The following GALM variants were observed in gnomAD, a reference collection of about 807,000 sequenced individuals.
The protein encoded by GALM is galactose mutarotase, also known as aldose 1-epimerase.
Under a neutral mutation model 37.4 loss-of-function variants are expected in GALM, and 43 were observed. The observed-to-expected ratio is 1.15, with a 90% CI of 0.90 to 1.48. The LOEUF is 1.48. Among genes scored for constraint, GALM ranks in the 40% most tolerant of loss-of-function variants. The pLI is 0.00. For missense variants in GALM, 456 were observed against 419.1 expected, an observed-to-expected ratio of 1.09 and a Z score of -0.77; for synonymous variants, 199 against 170.6, an observed-to-expected ratio of 1.17 and a Z score of -1.30.
At chr2:38,713,227 C>G (rs1184006991) in intron 4 of GALM, among the ~76,000 whole-genome samples, 1 of 152,142 alleles carries the variant, frequency 6.6e-6, no homozygotes, top group Non-Finnish European at 1.5e-5. Context: ...TTCTTCCACC[C>G]CAATATGTTC....
intron 3 of GALM, among the ~76,000 whole-genome samples, chr2:38,686,240 CTT>C (rs1240589617): frequency 1.1e-5 from 1 of 92,006 alleles, no homozygotes; most frequent in South Asian, 4.9e-4. Context: ...TTCTTTCTTT[CTT>C]TCTTTCTTTC....
At chr2:38,689,703 A>ATT (rs1665626083) in intron 3 of GALM, 110 bp from the exon 4 acceptor site, 1 of 669,656 alleles carries the variant, frequency 1.5e-6, no homozygotes, top group Non-Finnish European at 2.6e-6. Context: ...GCCAAACAAG[A>ATT]TTTTAAAAGT....
intron 4 of GALM, among the ~76,000 whole-genome samples, chr2:38,725,833 T>A (rs1572544233): frequency 6.6e-6 from 1 of 152,138 alleles, no homozygotes; most frequent in African/African-American, 2.4e-5. Flanking sequence ...TGCCTCAGTC[T>A]ACTGAGTAGC....
chr2:38,692,192 A>G (rs894614385), intron 4 of GALM, among the ~76,000 whole-genome samples: 11 of 152,194 alleles, frequency 7.2e-5, no homozygotes, highest in Admixed American at 2.6e-4. Context: ...TCAGACCTAC[A>G]TGTTATACCT....
chr2:38,725,323 C>T (rs1346583452), intron 4 of GALM, among the ~76,000 whole-genome samples: 1 of 143,624 alleles, frequency 7.0e-6, no homozygotes, highest in Non-Finnish European at 1.5e-5. Flanking sequence ...TTGCTTGAGC[C>T]CAGGAGTTTG....
chr2:38,696,093 C>T (rs1003605549), intron 4 of GALM, among the ~76,000 whole-genome samples: 4 of 151,772 alleles, frequency 2.6e-5, no homozygotes, highest in Non-Finnish European at 5.9e-5. Context: ...CTATTATTGT[C>T]ACTATAACAG....
chr2:38,698,326 A>G (rs2148441163), intron 4 of GALM: 1 of 1,175,232 alleles, frequency 8.5e-7, no homozygotes, highest in South Asian at 1.3e-5. Context: ...TTGAGTGCAT[A>G]GCCCTTGCTC....
chr2:38,717,076 C>A (rs1046325669), intron 4 of GALM, among the ~76,000 whole-genome samples: 5 of 151,930 alleles, frequency 3.3e-5, no homozygotes, highest in African/African-American at 1.2e-4. Flanking sequence ...CATGGCAAAA[C>A]CTCGTCTCTA....
intron 1 of GALM, chr2:38,668,376 G>C (rs562421712): frequency 6.6e-6 from 1 of 152,224 alleles, no homozygotes; most frequent in African/African-American, 2.4e-5. Flanking sequence ...TTGTTACCCT[G>C]TGTTTGTTGT....
intron 1 of GALM, among the ~76,000 whole-genome samples, chr2:38,675,484 G>C (rs891777105): frequency 6.6e-6 from 1 of 150,942 alleles, no homozygotes; most frequent in Non-Finnish European, 1.5e-5. Context: ...AGAAGGTGAG[G>C]GACAGTGGCA....
intron 4 of GALM, among the ~76,000 whole-genome samples, chr2:38,711,776 TCACTGTCACCAC>T (rs1666169469): frequency 7.2e-6 from 1 of 139,736 alleles, no homozygotes; most frequent in African/African-American, 2.6e-5. Flanking sequence ...ATTATCACCA[TCACTGTCACCAC>T]CATCACCATC....
chr2:38,710,444 G>T (rs535527396), intron 4 of GALM, among the ~76,000 whole-genome samples: 23 of 152,186 alleles, frequency 1.5e-4, no homozygotes, highest in Non-Finnish European at 2.2e-4. Context: ...TCTACCTAGG[G>T]CTCACCCTCA....
At chr2:38,731,424 C>G (rs993529443) in intron 5 of GALM, among the ~76,000 whole-genome samples, 5 of 147,224 alleles carry the variant, frequency 3.4e-5, no homozygotes, top group African/African-American at 9.9e-5. Flanking sequence ...AAAAAAGAAT[C>G]TCAGCCTCTC....
chr2:38,719,689 G>A (rs781444904), intron 4 of GALM, among the ~76,000 whole-genome samples: 87 of 148,360 alleles, frequency 5.9e-4, no homozygotes, highest in Non-Finnish European at 9.6e-4. Context: ...CAGGAGAATC[G>A]CTTCAACCCC....
intron 4 of GALM, among the ~76,000 whole-genome samples, chr2:38,724,352 G>T (rs1553385015): frequency 6.6e-6 from 1 of 151,824 alleles, no homozygotes; most frequent in African/African-American, 2.4e-5. Context: ...TGAGAACAAA[G>T]AAAAAAAAGA....
At chr2:38,723,255 G>A (rs1054302863) in intron 4 of GALM, among the ~76,000 whole-genome samples, 20 of 152,296 alleles carry the variant, frequency 1.3e-4, no homozygotes, top group East Asian at 1.2e-3. Flanking sequence ...GAGGCCGGGG[G>A]AAAAGAGCAG....
chr2:38,718,186 TTTTTC>T (rs906699420), intron 4 of GALM, among the ~76,000 whole-genome samples: 3 of 135,650 alleles, frequency 2.2e-5, no homozygotes, highest in African/African-American at 8.0e-5. Context: ...AGTATTTCTT[TTTTTC>T]TTTTCTTTTT....
At chr2:38,724,026 C>A (rs1303508328) in intron 4 of GALM, among the ~76,000 whole-genome samples, 1 of 151,914 alleles carries the variant, frequency 6.6e-6, no homozygotes, top group African/African-American at 2.4e-5. Flanking sequence ...TCAAGCAATT[C>A]TTCTGCCTCA....
chr2:38,721,516 A>G (rs904663580), intron 4 of GALM, among the ~76,000 whole-genome samples: 16 of 151,424 alleles, frequency 1.1e-4, no homozygotes, highest in Non-Finnish European at 1.8e-4. Context: ...TACCCTGACC[A>G]CTCTGCTTCT....
Sources: allele counts gnomAD v4.1 joint callset (sites outside exome capture counted in the v4.1 genomes callset), GRCh38; gene constraint gnomAD v4.1.1; transcripts MANE v1.5; gene names NCBI Gene and HGNC (gene_info 2026-07-23, HGNC 2026-07-21).